KRABD5: variants seen among roughly 807,000 people sequenced by gnomAD.
KRABD5 encodes the protein KRAB domain containing 5, also known as KRAB domain-containing protein 5.
At chr16:31,722,739 C>A in the KRABD5 span, 1 of 1,604,766 alleles carries the variant, frequency 6.2e-7, no homozygotes, top group Non-Finnish European at 8.5e-7. Context: ...ACTACGGAAA[C>A]CTGGTCTCTC....
At chr16:31,730,525 C>T in the KRABD5 span, among the ~76,000 whole-genome samples, 2 of 152,062 alleles carry the variant, frequency 1.3e-5, no homozygotes, top group Non-Finnish European at 2.9e-5. Flanking sequence ...TGATATGCCC[C>T]AGGGGAATCT....
the KRABD5 span, among the ~76,000 whole-genome samples, chr16:31,736,878 A>G: frequency 6.6e-6 from 1 of 152,034 alleles, no homozygotes; most frequent in African/African-American, 2.4e-5. Context: ...ATTCACATGT[A>G]TTTCATTTTT....
chr16:31,743,485 C>G, the KRABD5 span, among the ~76,000 whole-genome samples: 1 of 152,234 alleles, frequency 6.6e-6, no homozygotes, highest in East Asian at 1.9e-4. Context: ...GTCTATATAT[C>G]TGTTTTGGTA....
the KRABD5 span, among the ~76,000 whole-genome samples, chr16:31,749,690 A>G: frequency 6.6e-6 from 1 of 152,198 alleles, no homozygotes; most frequent in Non-Finnish European, 1.5e-5. Flanking sequence ...GGCTGGCAGG[A>G]CAGGGCTCTC....
At chr16:31,730,811 T>A in the KRABD5 span, among the ~76,000 whole-genome samples, 1 of 152,084 alleles carries the variant, frequency 6.6e-6, no homozygotes, top group East Asian at 1.9e-4. Flanking sequence ...CATGATTGAG[T>A]CTCTTGTTAA....
At chr16:31,730,215 A>G in the KRABD5 span, among the ~76,000 whole-genome samples, 2 of 110,102 alleles carry the variant, frequency 1.8e-5, no homozygotes, top group Non-Finnish European at 3.6e-5. Flanking sequence ...TCTAGTGGTG[A>G]TGAATTCCTT....
At chr16:31,722,496 C>A in the KRABD5 span, 4 of 983,062 alleles carry the variant, frequency 4.1e-6, no homozygotes, top group Middle Eastern at 2.2e-4. Context: ...TTAAAAGTAT[C>A]TTATTGAATA....
chr16:31,734,349 C>G, the KRABD5 span, among the ~76,000 whole-genome samples: 92,048 of 151,668 alleles, frequency 0.61, 29,002 homozygotes, highest in Middle Eastern at 0.73. Flanking sequence ...CTCTTGGGCT[C>G]AAGTGATCCT....
the KRABD5 span, among the ~76,000 whole-genome samples, chr16:31,715,654 T>C: frequency 6.6e-6 from 1 of 152,192 alleles, no homozygotes; most frequent in Non-Finnish European, 1.5e-5. Context: ...GAATTGTGAC[T>C]GGCATCTGTA....
At chr16:31,748,834 A>G in the KRABD5 span, among the ~76,000 whole-genome samples, 1 of 151,936 alleles carries the variant, frequency 6.6e-6, no homozygotes, top group South Asian at 2.1e-4. Flanking sequence ...TTTTCTTGCA[A>G]TGGTCAGGTC....
the KRABD5 span, among the ~76,000 whole-genome samples, chr16:31,739,041 A>G: frequency 2.0e-5 from 3 of 152,192 alleles, no homozygotes; most frequent in Non-Finnish European, 2.9e-5. Flanking sequence ...ATTTTAAAGT[A>G]TTTGACTTTT....
chr16:31,754,428 A>G, the KRABD5 span: 1 of 638,542 alleles, frequency 1.6e-6, no homozygotes, highest in Non-Finnish European at 2.8e-6. Flanking sequence ...TATACCCTAA[A>G]TAATTACCAG....
chr16:31,755,619 C>A, the KRABD5 span: 2 of 484,618 alleles, frequency 4.1e-6, no homozygotes, highest in South Asian at 3.0e-5. Flanking sequence ...ATGATTCATA[C>A]TGGAGAGAAA....
At chr16:31,731,626 C>T in the KRABD5 span, among the ~76,000 whole-genome samples, 1 of 152,234 alleles carries the variant, frequency 6.6e-6, no homozygotes, top group African/African-American at 2.4e-5. Flanking sequence ...CCAGGTTTCT[C>T]ATTGAGCAGA....
the KRABD5 span, among the ~76,000 whole-genome samples, chr16:31,741,981 G>A: frequency 3.1e-4 from 47 of 152,010 alleles, no homozygotes; most frequent in Admixed American, 1.2e-3. Context: ...AAATGTAGGC[G>A]TCTATGTTCA....
chr16:31,745,341 A>G, the KRABD5 span, among the ~76,000 whole-genome samples: 2 of 152,168 alleles, frequency 1.3e-5, no homozygotes, highest in Non-Finnish European at 2.9e-5. Flanking sequence ...ATTGGTGTCA[A>G]AGAACTTCTT....
the KRABD5 span, among the ~76,000 whole-genome samples, chr16:31,731,396 T>A: frequency 6.6e-6 from 1 of 152,182 alleles, no homozygotes; most frequent in Non-Finnish European, 1.5e-5. Flanking sequence ...TGGGGCTGGT[T>A]CTAAGATAAG....
At chr16:31,755,734 A>C in the KRABD5 span, 3 of 367,028 alleles carry the variant, frequency 8.2e-6, 1 homozygote, top group African/African-American at 6.4e-5. Flanking sequence ...AGTAAATGTG[A>C]AAAGAGTTTT....
chr16:31,718,042 C>T, the KRABD5 span, among the ~76,000 whole-genome samples: 5 of 152,248 alleles, frequency 3.3e-5, no homozygotes, highest in South Asian at 1.0e-3. Flanking sequence ...GGCTGGAAAC[C>T]AACCAGGCAC....
Sources: gnomAD v4.1 joint callset for allele counts (sites outside exome capture counted in the v4.1 genomes callset) on GRCh38, gnomAD v4.1.1 for gene constraint, MANE v1.5 for transcripts, NCBI Gene and HGNC (gene_info 2026-07-23, HGNC 2026-07-21) for gene names.